The following GAN variants were observed in gnomAD, a reference collection of about 807,000 sequenced individuals.
The protein encoded by GAN is gigaxonin.
A neutral mutation model predicts 71.3 loss-of-function variants in GAN; 48 were observed. The observed-to-expected ratio is 0.67, with a 90% CI of 0.53 to 0.86. The LOEUF is 0.86. GAN is among the 40% of genes least tolerant of loss of function. GAN has a pLI of 0.00. For synonymous variants in GAN, 386 were observed against 276.8 expected, an observed-to-expected ratio of 1.39 and a Z score of -3.92; for missense variants, 928 against 770.1, an observed-to-expected ratio of 1.21 and a Z score of -2.43.
rs373917074 is a variant in GAN, at chr16:81,327,225, T to C, written c.167+11945T>C. Among the ~76,000 whole-genome samples, 18 of 152,362 alleles carry C rather than the reference T, an allele frequency of 1.2e-4. No individual in the cohort carries two copies. In the East Asian group the frequency reaches 3.3e-3, roughly 28 times the overall value. Reference sequence around the variant, plus strand: ...TGACTAAAGAATTAATTGAGAAGCATTCATTTCCTTGACAACATTTTGGAA... The same window carrying C: ...TGACTAAAGAATTAATTGAGAAGCACTCATTTCCTTGACAACATTTTGGAA... On this transcript the variant is annotated intron_variant, in intron 1 of 10. Transcript: ENST00000648994.
chr16:81,334,380 G>C (rs1259357639), intron 1 of GAN, among the ~76,000 whole-genome samples: 1 of 152,188 alleles, frequency 6.6e-6, no homozygotes, highest in Non-Finnish European at 1.5e-5. Context: ...TGGTTGGTGG[G>C]ATGAAGACAC....
chr16:81,323,211 G>T (rs1189174480), intron 1 of GAN, among the ~76,000 whole-genome samples: 1 of 152,120 alleles, frequency 6.6e-6, no homozygotes, highest in East Asian at 1.9e-4. Context: ...TTCTCTCGGG[G>T]TTTTTGGTGG....
chr16:81,346,847 G>A (rs867475305), intron 1 of GAN, among the ~76,000 whole-genome samples: 1 of 152,166 alleles, frequency 6.6e-6, no homozygotes, highest in South Asian at 2.1e-4. Context: ...GAACCAGCAA[G>A]CAAAACTCTC....
chr16:81,358,559 A>G (rs113185679), intron 5 of GAN, among the ~76,000 whole-genome samples: 197 of 152,182 alleles, frequency 1.3e-3, no homozygotes, highest in African/African-American at 4.4e-3. Context: ...CTGTGAGCCA[A>G]GATCACACCA....
chr16:81,353,291 CAA>C (rs11464814), intron 2 of GAN, among the ~76,000 whole-genome samples: 1 of 132,672 alleles, frequency 7.5e-6, no homozygotes. Context: ...GACTCCGTCT[CAA>C]AAAAAAAAAA....
In GAN at chr16:81,383,659, C is replaced by G. The variant is rs1297856439; in HGVS notation, c.*6063C>G. The G allele has an allele frequency of 1.3e-5, 2 of 151,674 alleles. No individual in the cohort carries two copies. The highest frequency in any genetic ancestry group is 3.9e-4 in the East Asian group (2 of 5,184). 9.4% of individuals were successfully genotyped at this position (151,674 alleles called of 1,614,324 possible). The stretch of plus-strand genomic sequence containing the variant: ...TGATAATAATTTCTTCCTGGCTCAA[C>G]AAAGTTGTTGAGCTTCCTTCTGTGC... On this transcript the variant is annotated 3_prime_UTR_variant, in exon 11 of 11. Coordinates refer to ENST00000648994, the MANE Select transcript of GAN (RefSeq NM_022041.4).
At chr16:81,355,129 C>T (rs917449890) in intron 3 of GAN, among the ~76,000 whole-genome samples, 1 of 152,186 alleles carries the variant, frequency 6.6e-6, no homozygotes, top group African/African-American at 2.4e-5. Flanking sequence ...CCTCAGGTGC[C>T]TGCAGCAGGC....
chr16:81,315,507 C>G (rs1205450108), intron 1 of GAN, among the ~76,000 whole-genome samples: 1 of 152,014 alleles, frequency 6.6e-6, no homozygotes, highest in African/African-American at 2.4e-5. Flanking sequence ...CCACTGGACC[C>G]CCGCGCCCCT....
rs1904291079 is a variant in GAN, at chr16:81,378,816, C to T, written c.*1220C>T. On this transcript the variant is annotated 3_prime_UTR_variant, in exon 11 of 11. Transcript: ENST00000648994. Reference sequence around the variant, plus strand: ...TCCCTCCTTTCCTATCTCTCATTCTCACCTCAACCCACTTTACCCCACTTC... The same window carrying T: ...TCCCTCCTTTCCTATCTCTCATTCTTACCTCAACCCACTTTACCCCACTTC... The T allele has an allele frequency of 6.6e-6, 1 of 152,598 alleles. No homozygotes were observed. The highest frequency in any genetic ancestry group is 2.4e-5 in the African/African-American group (1 of 41,442). 9.5% of individuals were successfully genotyped at this position (152,598 alleles called of 1,614,324 possible).
chr16:81,347,514 C>T (rs145313408), intron 1 of GAN, among the ~76,000 whole-genome samples: 8 of 152,190 alleles, frequency 5.3e-5, no homozygotes, highest in South Asian at 2.1e-4. Flanking sequence ...CAGAATCTTC[C>T]ACTTTCTTGA....
In GAN at chr16:81,385,016, A is replaced by G. The variant is rs1320746293; in HGVS notation, c.*7420A>G. ...GGCCAAAAGAGTTATGCCCATTTCT[A>G]AAAGCCTGGCATATTTGGTATAACT... On this transcript the variant is annotated 3_prime_UTR_variant, in exon 11 of 11. Coordinates refer to ENST00000648994, the MANE Select transcript of GAN (RefSeq NM_022041.4). The G allele has an allele frequency of 6.5e-6, 1 of 154,326 alleles. No homozygotes were observed. The highest frequency in any genetic ancestry group is 1.9e-4 in the East Asian group (1 of 5,196). The allele number at this position is 154,326 out of a possible 1,614,324, so 9.6% of individuals were successfully genotyped here. A position where few individuals can be genotyped will look rare whatever the true frequency, so the allele number is the denominator to read the frequency against.
At chr16:81,355,231 C>T (rs113710750) in intron 3 of GAN, among the ~76,000 whole-genome samples, 2 of 152,192 alleles carry the variant, frequency 1.3e-5, no homozygotes, top group Non-Finnish European at 2.9e-5. Context: ...AGAAAGCAGG[C>T]AGGCTCTGGA....
chr16:81,374,172 T>C (rs960506539), intron 9 of GAN, among the ~76,000 whole-genome samples: 2 of 152,202 alleles, frequency 1.3e-5, no homozygotes, highest in Non-Finnish European at 2.9e-5. Context: ...GTTATGCAGT[T>C]TGGCAATACC....
rs1383496722 is a variant in GAN, at chr16:81,372,852, C to G, written c.1503-4367C>G. Among the ~76,000 whole-genome samples, 10 of 152,238 alleles carry G rather than the reference C, an allele frequency of 6.6e-5. No homozygotes were observed. The East Asian group carries it at 1.3e-3, about 20-fold the overall frequency. The stretch of plus-strand genomic sequence containing the variant: ...TCTTTCAAAGGTGTGTTCAGGGCCT[C>G]CATTTTCACTTTCAGCACAAGCTTT... On this transcript the variant is annotated intron_variant, in intron 9 of 10. Transcript: ENST00000648994.
chr16:81,343,040 A>C (rs190648898), intron 1 of GAN, among the ~76,000 whole-genome samples: 136 of 152,362 alleles, frequency 8.9e-4, no homozygotes, highest in Non-Finnish European at 1.2e-3. Context: ...GAAATGGATA[A>C]ATTCCTGGAC....
In GAN at chr16:81,360,044, TGG is replaced by T. The variant is rs879285469; in HGVS notation, c.973+2114_973+2115del. On this transcript the variant is annotated intron_variant, in intron 5 of 10. Transcript: ENST00000648994. ...ATGGATGGATGGATGGATGGATGGA[TGG>T]ATGGATGGATGGATGGATGGATAGA... Among the ~76,000 whole-genome samples, 172 of 139,582 alleles carry T rather than the reference TGG, an allele frequency of 1.2e-3. No individual in the cohort carries two copies. The East Asian group carries it at 0.029, about 23-fold the overall frequency. 91.6% of individuals were successfully genotyped at this position (139,582 alleles called of 152,430 possible).
In GAN at chr16:81,351,563, C is replaced by T. The variant is rs1910300554; in HGVS notation, c.168-20C>T. The T allele has an allele frequency of 1.0e-6, 1 of 995,704 alleles. No individual in the cohort carries two copies. Among genetic ancestry groups the T allele is most frequent in the South Asian group, 1.3e-5 (1 of 78,736 alleles). 61.7% of individuals were successfully genotyped at this position (995,704 alleles called of 1,614,324 possible). A position where few individuals can be genotyped will look rare whatever the true frequency, so the allele number is the denominator to read the frequency against. ...TTTCTGTTCTTTCATAGAAATTTTA[C>T]ATTTTTTTCCCTTTCTTAGGACAAA... On this transcript the variant is annotated intron_variant, in intron 1 of 10. Coordinates refer to ENST00000648994, the MANE Select transcript of GAN (RefSeq NM_022041.4).
intron 1 of GAN, among the ~76,000 whole-genome samples, chr16:81,346,458 C>T (rs1363967667): frequency 6.6e-6 from 1 of 152,158 alleles, no homozygotes; most frequent in East Asian, 1.9e-4. Context: ...GCTTTCCTGC[C>T]TGAGCTCCGC....
At position 81,385,850 on chromosome 16, in the gene GAN, A is replaced by G. The variant is rs922380454; in HGVS notation, c.*8254A>G. ...GCAGTGGCGCCATCTCCCAGGCTCA[A>G]GGGATCCTCCTGCCTCGGCCTGCCA... On this transcript the variant is annotated 3_prime_UTR_variant, in exon 11 of 11. Transcript: ENST00000648994. 4 of 150,942 alleles carry G rather than the reference A, an allele frequency of 2.7e-5. No homozygotes were observed. Among genetic ancestry groups the G allele is most frequent in the African/African-American group, 9.8e-5 (4 of 40,960 alleles). The allele number at this position is 150,942 out of a possible 1,614,324, so 9.4% of individuals were successfully genotyped here. A position where few individuals can be genotyped will look rare whatever the true frequency, so the allele number is the denominator to read the frequency against.
Sources: gnomAD v4.1 joint callset for allele counts (sites outside exome capture counted in the v4.1 genomes callset) on GRCh38, gnomAD v4.1.1 for gene constraint, MANE v1.5 for transcripts, NCBI Gene and HGNC (gene_info 2026-07-23, HGNC 2026-07-21) for gene names.